The following PNPLA7 variants were observed in gnomAD, a reference collection of about 807,000 sequenced individuals.
PNPLA7 encodes patatin like domain 7, lysophospholipase.
A neutral mutation model predicts 161.7 loss-of-function variants in PNPLA7; 153 were observed. The observed-to-expected ratio is 0.95, with a 90% CI of 0.83 to 1.08. The LOEUF (loss-of-function observed/expected upper bound fraction) is 1.08. Ranked by LOEUF, PNPLA7 falls within the 50% of genes least tolerant of loss-of-function variation. PNPLA7 has a pLI of 0.00. For missense variants in PNPLA7, 1,739 were observed against 1,856.6 expected (o/e 0.94, Z 1.16); for synonymous variants, 809 against 782.1 (o/e 1.03, Z -0.57).
Position 137,467,199 on chromosome 9 carries a change from C to A in PNPLA7, c.3039+118G>T. ...TGCACTGGGAGGCTTCAGGGGGTAGCCTCCTCGAGGGCAGGGCCCTGCAGA... is the reference window on the plus strand; with the variant it reads ...TGCACTGGGAGGCTTCAGGGGGTAGACTCCTCGAGGGCAGGGCCCTGCAGA... On this transcript the variant is annotated intron_variant, in intron 26 of 34. Transcript: ENST00000406427. This position sits in a 1 kb window ranked among gnomAD's most constrained non-coding sequence, Gnocchi z 5.1. The A allele has an allele frequency of 2.2e-6, 3 of 1,366,444 alleles. No homozygotes were observed. In the South Asian group the frequency reaches 4.5e-5, roughly 20 times the overall value. The allele number at this position is 1,366,444 out of a possible 1,614,324, so 84.6% of individuals were successfully genotyped here. A position where few individuals can be genotyped will look rare whatever the true frequency, so the allele number is the denominator to read the frequency against.
intron 8 of PNPLA7, among the ~76,000 whole-genome samples, chr9:137,539,106 C>T (rs1836050069): frequency 6.6e-6 from 1 of 152,038 alleles, no homozygotes; most frequent in Non-Finnish European, 1.5e-5. Context: ...GTAATTCCAG[C>T]ACTTTGGGAG....
chr9:137,509,307 T>G (rs112338242), intron 12 of PNPLA7: 1 of 160,114 alleles, frequency 6.2e-6, no homozygotes, highest in African/African-American at 2.4e-5. Flanking sequence ...TGAGTTTAGC[T>G]GGTGTGAGTG....
intron 12 of PNPLA7, among the ~76,000 whole-genome samples, 178 bp downstream of exon 12, chr9:137,515,201 G>A (rs1323975767): frequency 6.6e-6 from 1 of 152,112 alleles, no homozygotes; most frequent in Non-Finnish European, 1.5e-5. Flanking sequence ...CGGCAGGACG[G>A]CCACCAAGCC....
rs1836227218 is a variant in PNPLA7 at position 137,541,902 on chromosome 9, C to T, written c.666+740G>A. 2.0e-5 allele frequency among the ~76,000 whole-genome samples: 3 copies of T among 152,114 alleles called. No homozygotes were observed. In the South Asian group the frequency reaches 6.2e-4, roughly 31 times the overall value. On this transcript the variant is annotated intron_variant, in intron 7 of 34. Transcript: ENST00000406427. The surrounding 1 kb of genome is among the most constrained non-coding windows in gnomAD (Gnocchi z 4.4). ...ACTCAAGCGATCCTCCCACCTCAGC[C>T]CCCAAGTGGCTGGGACCACAGGTGC...
In PNPLA7 at chr9:137,518,950, CCTCA is replaced by C. The variant is rs140440556; in HGVS notation, c.1084+963_1084+966del. The stretch of plus-strand genomic sequence containing the variant: ...ACTCACTCCACTCTGTCCACTCCAT[CCTCA>C]CTCACTCACTCCACCCTATCCACTC... On this transcript the variant is annotated intron_variant, in intron 11 of 34. Coordinates refer to ENST00000406427, the MANE Select transcript of PNPLA7 (RefSeq NM_001098537.3). Among the ~76,000 whole-genome samples, 509 of 132,048 alleles carry C rather than the reference CCTCA, an allele frequency of 3.9e-3. 13 individuals are homozygous for C. Among genetic ancestry groups the C allele is most frequent in the African/African-American group, 0.014 (479 of 35,006 alleles). 86.6% of individuals were successfully genotyped at this position (132,048 alleles called of 152,430 possible).
intron 24 of PNPLA7, 81 bp downstream of exon 24, chr9:137,478,975 G>A (rs561511186): frequency 2.8e-6 from 4 of 1,432,336 alleles, no homozygotes; most frequent in Non-Finnish European, 3.7e-6. Context: ...GGAATCAGGT[G>A]GGGAATGTGA....
In PNPLA7 at chr9:137,547,621, TCC is replaced by T; in HGVS notation, c.67_68del (p.Gly23ThrfsTer39). On this transcript the variant is annotated frameshift_variant, in exon 2 of 35. Transcript: ENST00000406427. LOFTEE classifies it high-confidence loss of function. The surrounding 1 kb of genome is among the most constrained non-coding windows in gnomAD (Gnocchi z 4.6). The stretch of plus-strand genomic sequence containing the variant: ...GTGAACCTTCCTCCGTGAACCACAG[TCC>T]CCAAGAGTGCAGGGCGGTGCCCAGG... ...FCLGTALHSW[G>X]LWFTEEGSPS... 6.2e-7 allele frequency: 1 copy of T among 1,613,078 alleles called. No individual in the cohort carries two copies. The highest frequency in any genetic ancestry group is 8.5e-7 in the Non-Finnish European group (1 of 1,179,838).
chr9:137,534,545 G>A (rs1238523635), intron 8 of PNPLA7, among the ~76,000 whole-genome samples: 1 of 152,190 alleles, frequency 6.6e-6, no homozygotes, highest in African/African-American at 2.4e-5. Context: ...AACATACGCA[G>A]ATTCCTTTCT....
intron 23 of PNPLA7, chr9:137,479,694 G>A (rs77863033): frequency 0.16 from 157,057 of 985,262 alleles, 12,882 homozygotes; most frequent in Middle Eastern, 0.19. Flanking sequence ...CAAACTGAAG[G>A]CAGGAAGCTG....
At chr9:137,530,968 C>T (rs1297409672) in intron 8 of PNPLA7, among the ~76,000 whole-genome samples, 1 of 152,140 alleles carries the variant, frequency 6.6e-6, no homozygotes, top group African/African-American at 2.4e-5. Flanking sequence ...CTGCGGGCCC[C>T]GCACATCGAG....
rs556102294 is a variant in PNPLA7 at position 137,510,879 on chromosome 9, A to T, written c.1225+4500T>A. On this transcript the variant is annotated intron_variant, in intron 12 of 34. Coordinates refer to ENST00000406427, the MANE Select transcript of PNPLA7 (RefSeq NM_001098537.3). Reference sequence around the variant, plus strand: ...ACAAGCTGTTCCAATATAATCAAGAAAATAGTTAGGATAAGAGAAAGTTAT... The same window carrying T: ...ACAAGCTGTTCCAATATAATCAAGATAATAGTTAGGATAAGAGAAAGTTAT... Among the ~76,000 whole-genome samples, 3 of 152,360 alleles carry T rather than the reference A, an allele frequency of 2.0e-5. No homozygotes were observed. In the East Asian group the frequency reaches 5.8e-4, roughly 29 times the overall value.
At chr9:137,501,085 C>T (rs1371216655) in intron 15 of PNPLA7, among the ~76,000 whole-genome samples, 189 bp from the exon 16 acceptor site, 6 of 152,184 alleles carry the variant, frequency 3.9e-5, no homozygotes, top group African/African-American at 1.2e-4. Context: ...CACGAGCAGT[C>T]GTGGAAAATC....
At chr9:137,536,891 A>AGCCATACT (rs1170596755) in intron 8 of PNPLA7, among the ~76,000 whole-genome samples, 1 of 149,348 alleles carries the variant, frequency 6.7e-6, no homozygotes, top group Non-Finnish European at 1.5e-5. Context: ...CCATCCTCTG[A>AGCCATACT]GCCATACTTC....
chr9:137,463,306 G>A (rs1309018375), intron 29 of PNPLA7, 109 bp downstream of exon 29: 12 of 1,004,154 alleles, frequency 1.2e-5, no homozygotes, highest in Admixed American at 7.0e-5. Context: ...TAAGGAAAAC[G>A]TGTTCCAGCC....
At chr9:137,518,443 C>CTGTCCACTT (rs1834767251) in intron 11 of PNPLA7, among the ~76,000 whole-genome samples, 1 of 87,030 alleles carries the variant, frequency 1.1e-5, no homozygotes, top group Non-Finnish European at 2.3e-5. Flanking sequence ...TGACTCCACT[C>CTGTCCACTT]CATCCCCCAC....
At position 137,540,587 on chromosome 9, in the gene PNPLA7, A is replaced by C; in HGVS notation, c.747+55T>G. ...GCTGTCCAGACAAGACAGAAAAACC[A>C]GGCCTCCGGGGCCAACCCAGGGGCG... On this transcript the variant is annotated intron_variant, in intron 8 of 34. Transcript: ENST00000406427. This position sits in a 1 kb window ranked among gnomAD's most constrained non-coding sequence, Gnocchi z 5.1. The C allele has an allele frequency of 6.8e-7, 1 of 1,472,076 alleles. No individual in the cohort carries two copies. The highest frequency in any genetic ancestry group is 1.2e-5 in the South Asian group (1 of 84,378). 91.2% of individuals were successfully genotyped at this position (1,472,076 alleles called of 1,614,324 possible).
At position 137,478,380 on chromosome 9, in the gene PNPLA7, C is replaced by G. The variant is rs3812500; in HGVS notation, c.2764-228G>C. ...GGGGGGAGGACACTGGCAGAGGGTACGTGGGCAAGAGAGTGGGCCCGGGTG... is the reference window on the plus strand; with the variant it reads ...GGGGGGAGGACACTGGCAGAGGGTAGGTGGGCAAGAGAGTGGGCCCGGGTG... On this transcript the variant is annotated intron_variant, in intron 24 of 34. Coordinates refer to ENST00000406427, the MANE Select transcript of PNPLA7 (RefSeq NM_001098537.3). 400 of 347,094 alleles carry G rather than the reference C, an allele frequency of 1.2e-3. 5 individuals are homozygous for G. In the East Asian group the frequency reaches 0.016, roughly 14 times the overall value. The allele number at this position is 347,094 out of a possible 1,614,324, so 21.5% of individuals were successfully genotyped here. A position where few individuals can be genotyped will look rare whatever the true frequency, so the allele number is the denominator to read the frequency against.
intron 22 of PNPLA7, 78 bp from the exon 23 acceptor site, chr9:137,480,558 C>T: frequency 6.9e-7 from 1 of 1,459,206 alleles, no homozygotes; most frequent in Non-Finnish European, 9.2e-7. Context: ...GGCAAAGAGG[C>T]AGCAGAGGCC....
chr9:137,464,089 C>G (rs1357940417), intron 28 of PNPLA7, 37 bp downstream of exon 28: 1 of 1,604,192 alleles, frequency 6.2e-7, no homozygotes, highest in Admixed American at 1.7e-5. Flanking sequence ...CCACACCTCG[C>G]ACCCAAGCGG....
Sources: gnomAD v4.1 joint callset for allele counts (sites outside exome capture counted in the v4.1 genomes callset) on GRCh38, gnomAD v4.1.1 for gene constraint, Gnocchi (gnomAD v3.1) non-coding constraint, MANE v1.5 for transcripts, NCBI Gene and HGNC (gene_info 2026-07-23, HGNC 2026-07-21) for gene names.